ATG7: variants seen among roughly 807,000 people sequenced by gnomAD.
The protein encoded by ATG7 is ubiquitin-like modifier-activating enzyme ATG7.
Under a neutral mutation model 82.4 loss-of-function variants are expected in ATG7, and 70 were observed. The observed-to-expected ratio is 0.85, with a 90% CI of 0.70 to 1.04. ATG7 has a LOEUF of 1.04. Ranked by LOEUF, ATG7 falls within the 50% of genes least tolerant of loss-of-function variation. ATG7 has a pLI of 0.00. For missense variants in ATG7, 792 were observed against 864.3 expected (o/e 0.92, Z 1.05); for synonymous variants, 287 against 313.0 (o/e 0.92, Z 0.88).
intron 14 of ATG7, among the ~76,000 whole-genome samples, chr3:11,356,934 TC>T (rs2075974808): frequency 6.6e-6 from 1 of 152,208 alleles, no homozygotes; most frequent in African/African-American, 2.4e-5. Context: ...CTGCCTCAGG[TC>T]CTTTCCTGCT....
intron 7 of ATG7, among the ~76,000 whole-genome samples, chr3:11,312,761 T>A (rs1479840696): frequency 6.6e-6 from 1 of 152,232 alleles, no homozygotes; most frequent in Non-Finnish European, 1.5e-5. Context: ...CTTAATAACA[T>A]GTAATTTATT....
rs1481518186 is a variant in ATG7 at position 11,377,994 on chromosome 3, A to G, written c.1876-1978A>G. Among the ~76,000 whole-genome samples the G allele has an allele frequency of 2.1e-5, 3 of 144,832 alleles. No individual in the cohort carries two copies. In the Admixed American group the frequency reaches 2.1e-4, roughly 10 times the overall value. On this transcript the variant is annotated intron_variant, in intron 18 of 20. Transcript: ENST00000693202. Reference sequence around the variant, plus strand: ...AAGGTTGTCATATTTTCATATGTTTATGATGAGGCTATCTAACTTATACCA... The same window carrying G: ...AAGGTTGTCATATTTTCATATGTTTGTGATGAGGCTATCTAACTTATACCA...
chr3:11,323,552 A>T (rs896284207), intron 9 of ATG7, among the ~76,000 whole-genome samples: 4 of 152,268 alleles, frequency 2.6e-5, no homozygotes, highest in African/African-American at 9.6e-5. Context: ...TACATTAAAA[A>T]TAGCTCATAA....
intron 9 of ATG7, among the ~76,000 whole-genome samples, chr3:11,321,794 C>T (rs1227535521): frequency 6.6e-6 from 1 of 152,204 alleles, no homozygotes; most frequent in African/African-American, 2.4e-5. Context: ...TTAAGTTTCA[C>T]TCACATGTTC....
chr3:11,315,290 C>A, intron 8 of ATG7, 54 bp from the exon 9 acceptor site: 8 of 1,424,608 alleles, frequency 5.6e-6, no homozygotes, highest in Non-Finnish European at 7.4e-6. Flanking sequence ...AGTTTTTAGC[C>A]CAGAACTAGA....
At chr3:11,502,776 A>G (rs112696639) in intron 20 of ATG7, among the ~76,000 whole-genome samples, 5,722 of 152,192 alleles carry the variant, frequency 0.038, 116 homozygotes, top group African/African-American at 0.051. Context: ...GATGCATCTG[A>G]AAGTGTGAAG....
Position 11,291,893 on chromosome 3 carries a change from G to A in ATG7, c.-10-6793G>A, listed in dbSNP as rs553251802. 2.6e-5 allele frequency among the ~76,000 whole-genome samples: 4 copies of A among 152,332 alleles called. No homozygotes were observed. The East Asian group carries it at 7.7e-4, about 29-fold the overall frequency. ...CATGCAGAAGATCAGGAAACTAGCA[G>A]GCTAAGGCTGCAGCACCTTATTCTC... On this transcript the variant is annotated intron_variant, in intron 3 of 20. Coordinates refer to ENST00000693202, the MANE Select transcript of ATG7 (RefSeq NM_001349232.2).
intron 20 of ATG7, among the ~76,000 whole-genome samples, chr3:11,454,858 A>G (rs2085544508): frequency 6.6e-6 from 1 of 152,206 alleles, no homozygotes; most frequent in Non-Finnish European, 1.5e-5. Flanking sequence ...CAGATATAGA[A>G]CACTTCCATC....
chr3:11,396,884 G>A (rs2079340634), intron 19 of ATG7, among the ~76,000 whole-genome samples: 1 of 152,108 alleles, frequency 6.6e-6, no homozygotes, highest in Non-Finnish European at 1.5e-5. Flanking sequence ...CTTGGAAGAG[G>A]TTAAAGATAG....
intron 14 of ATG7, among the ~76,000 whole-genome samples, chr3:11,349,665 T>C (rs2152793184): frequency 6.6e-6 from 1 of 152,320 alleles, no homozygotes; most frequent in South Asian, 2.1e-4. Context: ...TAGGAGTGTA[T>C]ATATTTTTAT....
Position 11,399,774 on chromosome 3 carries a change from A to G in ATG7, c.1956+19722A>G, listed in dbSNP as rs565950578. ...TTTTTAGTAGAGACAGAGCTTCACC[A>G]TGTTGGTCAGGCTGGTCTTGAACTC... On this transcript the variant is annotated intron_variant, in intron 19 of 20. Coordinates refer to ENST00000693202, the MANE Select transcript of ATG7 (RefSeq NM_001349232.2). Among the ~76,000 whole-genome samples, 3 of 152,258 alleles carry G rather than the reference A, an allele frequency of 2.0e-5. No homozygotes were observed. In the East Asian group the frequency reaches 5.8e-4, roughly 30 times the overall value.
intron 7 of ATG7, among the ~76,000 whole-genome samples, chr3:11,311,012 A>G (rs1383167050): frequency 6.6e-6 from 1 of 152,194 alleles, no homozygotes; most frequent in African/African-American, 2.4e-5. Flanking sequence ...CGCTTTCTGT[A>G]CCAAGAATTC....
At chr3:11,498,217 C>T (rs1361268572) in intron 20 of ATG7, among the ~76,000 whole-genome samples, 1 of 152,156 alleles carries the variant, frequency 6.6e-6, no homozygotes, top group African/African-American at 2.4e-5. Flanking sequence ...GCTGTAGTCT[C>T]CAAACAGAAT....
At chr3:11,473,402 G>A (rs765594604) in intron 20 of ATG7, among the ~76,000 whole-genome samples, 7 of 152,124 alleles carry the variant, frequency 4.6e-5, no homozygotes, top group Non-Finnish European at 1.0e-4. Context: ...TCCCTTTGTG[G>A]GATGGATATC....
intron 19 of ATG7, among the ~76,000 whole-genome samples, chr3:11,400,238 T>C (rs2079700541): frequency 6.6e-6 from 1 of 152,202 alleles, no homozygotes; most frequent in Admixed American, 6.5e-5. Context: ...TGTAAGAGAC[T>C]GAGTCCAATG....
intron 20 of ATG7, among the ~76,000 whole-genome samples, chr3:11,448,301 A>G (rs567051053): frequency 1.4e-4 from 21 of 152,142 alleles, no homozygotes; most frequent in Admixed American, 5.9e-4. Flanking sequence ...TCCTCCTTCC[A>G]GGCTCCTCCA....
chr3:11,540,482 T>TAAAAAA (rs377581432), intron 20 of ATG7, among the ~76,000 whole-genome samples: 1 of 146,024 alleles, frequency 6.8e-6, no homozygotes, highest in Non-Finnish European at 1.5e-5. Context: ...CTATAAAAAA[T>TAAAAAA]AAAAATAAAT....
chr3:11,342,363 TC>T lies in ATG7; in HGVS notation c.1125+87del, dbSNP rs1953785928. On this transcript the variant is annotated intron_variant, in intron 13 of 20. Transcript: ENST00000693202. ...TTTACTCTCATGATTGCCTTCCATCTCCCAGCTCCCCATCCCCTCCATCTCT... is the reference window on the plus strand; with the variant it reads ...TTTACTCTCATGATTGCCTTCCATCTCCAGCTCCCCATCCCCTCCATCTCT... 5 of 1,468,256 alleles carry T rather than the reference TC, an allele frequency of 3.4e-6. No individual in the cohort carries two copies. In the Admixed American group the frequency reaches 8.9e-5, roughly 26 times the overall value. 91.0% of individuals were successfully genotyped at this position (1,468,256 alleles called of 1,614,324 possible).
Position 11,299,553 on chromosome 3 carries a change from T to G in ATG7, c.215+137T>G, listed in dbSNP as rs904635166. The G allele has an allele frequency of 7.4e-6, 6 of 809,482 alleles. No individual in the cohort carries two copies. The Admixed American group carries it at 8.3e-5, about 11-fold the overall frequency. The allele number at this position is 809,482 out of a possible 1,614,324, so 50.1% of individuals were successfully genotyped here. On this transcript the variant is annotated intron_variant, in intron 5 of 20. Transcript: ENST00000693202. ...TGGGCAGAGTCAGCCCCCCTCATGA[T>G]TCTCTTATACCTCCCATAGAGATGA...
Sources: allele counts gnomAD v4.1 joint callset (sites outside exome capture counted in the v4.1 genomes callset), GRCh38; gene constraint gnomAD v4.1.1; transcripts MANE v1.5; gene names NCBI Gene and HGNC (gene_info 2026-07-23, HGNC 2026-07-21).